RPH3A: variants seen among roughly 807,000 people sequenced by gnomAD.
RPH3A encodes the protein rabphilin 3A.
A neutral mutation model predicts 102.2 loss-of-function variants in RPH3A; 48 were observed. The ratio of observed to expected loss-of-function variants is 0.47; its 90% CI spans 0.37 to 0.60. The LOEUF (loss-of-function observed/expected upper bound fraction) is 0.60. RPH3A is among the 20% of genes least tolerant of loss of function. The pLI is 0.00. For synonymous variants in RPH3A, 310 were observed against 324.3 expected, an observed-to-expected ratio of 0.96 and a Z score of 0.47; for missense variants, 781 against 910.1, an observed-to-expected ratio of 0.86 and a Z score of 1.83.
rs1288281148 is a variant in RPH3A, at chr12:112,879,147, T to C, written c.1200T>C (p.Leu400=). The C allele has an allele frequency of 1.2e-6, 2 of 1,614,096 alleles. No individual in the cohort carries two copies. The highest frequency in any genetic ancestry group is 1.7e-6 in the Non-Finnish European group (2 of 1,179,994). ...CCCTGGGTGCCCTGGAATTCAGCCT[T>C]CTCTACGACCAGGACAACAGCTCCC... The part of the protein sequence containing the change: ...ATTLGALEFS[L]LYDQDNSSLQ... Residue 400 remains leucine (L), a synonymous_variant, in exon 14 of 22, where the codon CTT becomes CTC. Transcript: ENST00000389385.
intron 19 of RPH3A, chr12:112,893,479 G>A (rs1375909561): frequency 6.6e-6 from 1 of 152,174 alleles, no homozygotes; most frequent in Admixed American, 6.5e-5. Flanking sequence ...TTAGCCCATT[G>A]TGTTTACTCA....
chr12:112,621,704 C>T (rs1335821815), intron 1 of RPH3A, among the ~76,000 whole-genome samples: 1 of 152,070 alleles, frequency 6.6e-6, no homozygotes, highest in South Asian at 2.1e-4. Flanking sequence ...GTGGAGCCCA[C>T]CACAGTTCAA....
chr12:112,677,648 C>T (rs1282228989), intron 1 of RPH3A, among the ~76,000 whole-genome samples: 2 of 151,694 alleles, frequency 1.3e-5, no homozygotes, highest in Non-Finnish European at 2.9e-5. Context: ...GTTTGACAAC[C>T]TAAGCCTCAG....
chr12:112,710,703 G>C (rs1371874958), intron 1 of RPH3A, among the ~76,000 whole-genome samples: 2 of 152,188 alleles, frequency 1.3e-5, no homozygotes, highest in Non-Finnish European at 2.9e-5. Flanking sequence ...ACAGTCAGCA[G>C]GAAGATATGT....
chr12:112,650,020 G>C (rs2039963029), intron 1 of RPH3A, among the ~76,000 whole-genome samples: 1 of 152,178 alleles, frequency 6.6e-6, no homozygotes, highest in African/African-American at 2.4e-5. Flanking sequence ...TTCAACATGT[G>C]AATTTTGGGA....
In RPH3A at chr12:112,868,574, C is replaced by A; in HGVS notation, c.589C>A (p.Pro197Thr). ...PEQPAPEPKH[P>T]ARAPARGDSE... ...ACAGCCTGCTCCTGAGCCCAAGCAC[C>A]CTGCCCGGGCTCCAGCTCGAGGTAG... is the stretch of plus-strand genomic sequence containing the variant. Residue 197 changes from proline to threonine, a missense_variant, in exon 8 of 22, where the codon CCT becomes ACT. Pro to Thr is a conservative substitution (Grantham distance 38, BLOSUM62 -1). Transcript: ENST00000389385. The A allele has an allele frequency of 6.2e-7, 1 of 1,614,078 alleles. No homozygotes were observed. The highest frequency in any genetic ancestry group is 8.5e-7 in the Non-Finnish European group (1 of 1,179,982).
chr12:112,793,652 A>G (rs1202124210), intron 2 of RPH3A, among the ~76,000 whole-genome samples: 1 of 152,228 alleles, frequency 6.6e-6, no homozygotes, highest in African/African-American at 2.4e-5. Flanking sequence ...AAGTTGCCTT[A>G]GATTCCTCAC....
intron 1 of RPH3A, among the ~76,000 whole-genome samples, chr12:112,696,365 G>A (rs2040352107): frequency 6.6e-6 from 1 of 152,172 alleles, no homozygotes; most frequent in African/African-American, 2.4e-5. Flanking sequence ...TGAGATTGCT[G>A]GATAGAATGA....
At chr12:112,653,449 A>G (rs1167647561) in intron 1 of RPH3A, among the ~76,000 whole-genome samples, 1 of 150,816 alleles carries the variant, frequency 6.6e-6, no homozygotes, top group Non-Finnish European at 1.5e-5. Flanking sequence ...GCAGGACTGG[A>G]GGGTGCTGTG....
At chr12:112,700,700 C>T (rs891378692) in intron 1 of RPH3A, among the ~76,000 whole-genome samples, 3 of 152,208 alleles carry the variant, frequency 2.0e-5, no homozygotes, top group Non-Finnish European at 4.4e-5. Context: ...TCTACACTTA[C>T]ACCTTTGGAT....
At chr12:112,701,680 A>C (rs774416471) in intron 1 of RPH3A, among the ~76,000 whole-genome samples, 4 of 152,198 alleles carry the variant, frequency 2.6e-5, no homozygotes, top group African/African-American at 9.6e-5. Context: ...ATGAGTTCTA[A>C]TGTCTATTCC....
intron 13 of RPH3A, among the ~76,000 whole-genome samples, chr12:112,877,261 A>G (rs2042818744): frequency 6.6e-6 from 1 of 151,840 alleles, no homozygotes; most frequent in African/African-American, 2.4e-5. Context: ...AATTTTTAAA[A>G]CTCTTTAATG....
chr12:112,666,462 C>A (rs1458078605), intron 1 of RPH3A, among the ~76,000 whole-genome samples: 1 of 152,076 alleles, frequency 6.6e-6, no homozygotes, highest in Admixed American at 6.6e-5. Context: ...CTGTGGGCTT[C>A]ACCTGAAACT....
intron 1 of RPH3A, among the ~76,000 whole-genome samples, chr12:112,648,455 A>G (rs2039947966): frequency 6.6e-6 from 1 of 150,748 alleles, no homozygotes; most frequent in African/African-American, 2.4e-5. Context: ...TGGTTAGGCC[A>G]GGTGTGGTAG....
chr12:112,866,943 A>T lies in RPH3A; in HGVS notation c.444+103A>T, dbSNP rs868284600. 4 of 791,956 alleles carry T rather than the reference A, an allele frequency of 5.1e-6. No individual in the cohort carries two copies. The African/African-American group carries it at 5.2e-5, about 10-fold the overall frequency. The allele number at this position is 791,956 out of a possible 1,614,324, so 49.1% of individuals were successfully genotyped here. A position where few individuals can be genotyped will look rare whatever the true frequency, so the allele number is the denominator to read the frequency against. ...TATGAAAGGACCCAGCTCAGCAGTGAACATTGACAGAACAACCTCAGAGTA... is the reference window on the plus strand; with the variant it reads ...TATGAAAGGACCCAGCTCAGCAGTGTACATTGACAGAACAACCTCAGAGTA... On this transcript the variant is annotated intron_variant, in intron 7 of 21. Coordinates refer to ENST00000389385, the MANE Select transcript of RPH3A (RefSeq NM_001143854.2).
At chr12:112,737,914 G>T (rs778182080) in intron 1 of RPH3A, among the ~76,000 whole-genome samples, 3 of 152,190 alleles carry the variant, frequency 2.0e-5, no homozygotes, top group Non-Finnish European at 4.4e-5. Flanking sequence ...CTTTCCTGAG[G>T]CTGCTTTAAT....
At chr12:112,577,026 C>T (rs1399264622) in intron 1 of RPH3A, among the ~76,000 whole-genome samples, 1 of 151,490 alleles carries the variant, frequency 6.6e-6, no homozygotes, top group Non-Finnish European at 1.5e-5. Context: ...CTGCCTCAGC[C>T]TCCTGGGAAG....
chr12:112,816,374 T>C (rs1272554051), intron 2 of RPH3A, among the ~76,000 whole-genome samples: 2 of 152,236 alleles, frequency 1.3e-5, no homozygotes, highest in Non-Finnish European at 2.9e-5. Context: ...TGTGCTGTGC[T>C]GACCATTTCC....
At chr12:112,807,422 C>T (rs1157361157) in intron 2 of RPH3A, among the ~76,000 whole-genome samples, 1 of 152,050 alleles carries the variant, frequency 6.6e-6, no homozygotes, top group African/African-American at 2.4e-5. Flanking sequence ...GATGTGGGGC[C>T]CCTTCCTGAG....
Sources: allele counts gnomAD v4.1 joint callset (sites outside exome capture counted in the v4.1 genomes callset), GRCh38; gene constraint gnomAD v4.1.1; transcripts MANE v1.5; gene names NCBI Gene and HGNC (gene_info 2026-07-23, HGNC 2026-07-21).